Variants in KCNQ1 observed in about 807,000 individuals in gnomAD.
The protein encoded by KCNQ1 is potassium voltage-gated channel subfamily Q member 1, also known as potassium voltage-gated channel subfamily KQT member 1.
In KCNQ1, 49 loss-of-function variants were observed where a neutral mutation model predicts 72.4. That is an observed-to-expected ratio of 0.68 (90% CI 0.54 to 0.86). KCNQ1 has a LOEUF of 0.86. KCNQ1 is among the 40% of genes least tolerant of loss of function. The probability of loss-of-function intolerance (pLI) is 0.00; values close to 1 mark genes in which losing one functional copy is unlikely to be tolerated. For synonymous variants in KCNQ1, 450 were observed against 412.6 expected (o/e 1.09, Z -1.10); for missense variants, 790 against 945.1 (o/e 0.84, Z 2.15).
At chr11:2,840,613 T>C (rs1848188341) in intron 15 of KCNQ1, among the ~76,000 whole-genome samples, 1 of 152,184 alleles carries the variant, frequency 6.6e-6, no homozygotes, top group Non-Finnish European at 1.5e-5. Flanking sequence ...TGGATGGCTT[T>C]GACCACGTGA....
chr11:2,737,702 C>A lies in KCNQ1; in HGVS notation c.1515-31142C>A, dbSNP rs183896384. Among the ~76,000 whole-genome samples, 226 of 152,290 alleles carry A rather than the reference C, an allele frequency of 1.5e-3. 2 individuals are homozygous for A. Among genetic ancestry groups the A allele is most frequent in the Non-Finnish European group, 2.5e-3 (169 of 68,028 alleles). ...AGACCATAAAACACGGCTGGTGGGTCCGAGCCCGGCAGGGATATGGGGTCA... is the reference window on the plus strand; with the variant it reads ...AGACCATAAAACACGGCTGGTGGGTACGAGCCCGGCAGGGATATGGGGTCA... On this transcript the variant is annotated intron_variant, in intron 11 of 15. Coordinates refer to ENST00000155840, the MANE Select transcript of KCNQ1 (RefSeq NM_000218.3).
intron 11 of KCNQ1, among the ~76,000 whole-genome samples, chr11:2,705,639 C>T (rs1850896613): frequency 6.6e-6 from 1 of 152,194 alleles, no homozygotes. Context: ...CAGCTGCCCC[C>T]CAGCCAAGAA....
rs1384416796 is a variant in KCNQ1, at chr11:2,550,972, G to A, written c.478-19656G>A. On this transcript the variant is annotated intron_variant, in intron 2 of 15. Transcript: ENST00000155840. The surrounding 1 kb of genome is among the most constrained non-coding windows in gnomAD (Gnocchi z 6.0). The stretch of plus-strand genomic sequence containing the variant: ...AGACTCTGGTGGTAGCAGGAGGCAG[G>A]GGAGGCTGTGCTGAGCTCAGTGGGC... 2.6e-5 allele frequency among the ~76,000 whole-genome samples: 4 copies of A among 152,276 alleles called. No homozygotes were observed. The highest frequency in any genetic ancestry group is 9.6e-5 in the African/African-American group (4 of 41,544).
rs533469712 is a variant in KCNQ1 at position 2,653,109 on chromosome 11, G to A, written c.1394-8852G>A. ...GGGTGTGGAGAGAGGCTCACTGAAG[G>A]TTTGGGGAGATGAGGACTTGCATCA... is the stretch of plus-strand genomic sequence containing the variant. On this transcript the variant is annotated intron_variant, in intron 10 of 15. Coordinates refer to ENST00000155840, the MANE Select transcript of KCNQ1 (RefSeq NM_000218.3). The surrounding 1 kb of genome is among the most constrained non-coding windows in gnomAD (Gnocchi z 5.3). 6 of 398,732 alleles carry A rather than the reference G, an allele frequency of 1.5e-5. No homozygotes were observed. In the East Asian group the frequency reaches 1.8e-4, roughly 12 times the overall value. The allele number at this position is 398,732 out of a possible 1,614,324, so 24.7% of individuals were successfully genotyped here.
chr11:2,448,077 C>T (rs988028352), intron 1 of KCNQ1, among the ~76,000 whole-genome samples: 1 of 152,242 alleles, frequency 6.6e-6, no homozygotes, highest in African/African-American at 2.4e-5. Flanking sequence ...GGGGGCAGCT[C>T]CCATCTTAGC....
At position 2,762,791 on chromosome 11, in the gene KCNQ1, G is replaced by A. The variant is rs1846425695; in HGVS notation, c.1515-6053G>A. Among the ~76,000 whole-genome samples the A allele has an allele frequency of 6.6e-6, 1 of 152,184 alleles. No homozygotes were observed. The highest frequency in any genetic ancestry group is 2.4e-5 in the African/African-American group (1 of 41,440). On this transcript the variant is annotated intron_variant, in intron 11 of 15. Coordinates refer to ENST00000155840, the MANE Select transcript of KCNQ1 (RefSeq NM_000218.3). The surrounding 1 kb of genome is among the most constrained non-coding windows in gnomAD (Gnocchi z 4.3). ...GTCTGAACTGGAACAGTTTCATCCT[G>A]AAACCATCTCCCCCCACCCCACCCC... is the stretch of plus-strand genomic sequence containing the variant.
chr11:2,772,236 AC>A lies in KCNQ1; in HGVS notation c.1590+3321del, dbSNP rs1286879532. 6.7e-6 allele frequency among the ~76,000 whole-genome samples: 1 copy of A among 150,170 alleles called. No homozygotes were observed. The highest frequency in any genetic ancestry group is 6.6e-5 in the Admixed American group (1 of 15,104). Reference sequence around the variant, plus strand: ...CTGCCTGTCTGCTTGCTTGCACCCCACCCCACCCCCGCTGGCCTCAGGGGCT... The same window carrying A: ...CTGCCTGTCTGCTTGCTTGCACCCCACCCACCCCCGCTGGCCTCAGGGGCT... On this transcript the variant is annotated intron_variant, in intron 12 of 15. Coordinates refer to ENST00000155840, the MANE Select transcript of KCNQ1 (RefSeq NM_000218.3). The surrounding 1 kb of genome is among the most constrained non-coding windows in gnomAD (Gnocchi z 6.6).
At chr11:2,798,544 T>C (rs1847188973) in intron 15 of KCNQ1, among the ~76,000 whole-genome samples, 1 of 135,606 alleles carries the variant, frequency 7.4e-6, no homozygotes, top group South Asian at 2.4e-4. Context: ...TATGCCGAGT[T>C]CCCTGAAAAA....
chr11:2,843,561 C>T lies in KCNQ1; in HGVS notation c.1795-4206C>T, dbSNP rs116165534. ...AACAGGACCCCCACCCTGGGAGCAG[C>T]GGGTGTGCCCGGCCTCTCCCGCCTG... On this transcript the variant is annotated intron_variant, in intron 15 of 15. Coordinates refer to ENST00000155840, the MANE Select transcript of KCNQ1 (RefSeq NM_000218.3). Among the ~76,000 whole-genome samples the T allele has an allele frequency of 1.9e-3, 297 of 152,368 alleles. 2 individuals carry two copies. Among genetic ancestry groups the T allele is most frequent in the African/African-American group, 6.6e-3 (276 of 41,590 alleles).
rs1265901476 is a variant in KCNQ1 at position 2,510,212 on chromosome 11, A to G, written c.387-17716A>G. 2.0e-5 allele frequency among the ~76,000 whole-genome samples: 3 copies of G among 152,000 alleles called. No homozygotes were observed. In the East Asian group the frequency reaches 5.8e-4, roughly 29 times the overall value. ...GAGCATCACTTGAGCCCAGGAGTTC[A>G]AGGTTGCAGCAAGCTATGATCTTGC... is the stretch of plus-strand genomic sequence containing the variant. On this transcript the variant is annotated intron_variant, in intron 1 of 15. Transcript: ENST00000155840.
At chr11:2,561,693 G>A (rs923666639) in intron 2 of KCNQ1, among the ~76,000 whole-genome samples, 17 of 152,218 alleles carry the variant, frequency 1.1e-4, no homozygotes, top group African/African-American at 4.1e-4. Flanking sequence ...CCTTTCTCTT[G>A]CTAATGTGTG....
chr11:2,646,188 T>C (rs934046675), intron 10 of KCNQ1: 1 of 398,552 alleles, frequency 2.5e-6, no homozygotes, highest in East Asian at 3.6e-5. Context: ...GGTTACCTAC[T>C]TGCTATATTT....
rs149678954 is a variant in KCNQ1 at position 2,494,527 on chromosome 11, T to A, written c.387-33401T>A. Among the ~76,000 whole-genome samples the A allele has an allele frequency of 0.011, 1,728 of 152,312 alleles. 16 individuals are homozygous for A. The highest frequency in any genetic ancestry group is 0.017 in the Middle Eastern group (5 of 294). On this transcript the variant is annotated intron_variant, in intron 1 of 15. Transcript: ENST00000155840. This position sits in a 1 kb window ranked among gnomAD's most constrained non-coding sequence, Gnocchi z 4.6. Reference sequence around the variant, plus strand: ...TTATTTTGAGATATGTTCCATCAATTCCTAGTTTATTGAGAGTTTTTGGCA... The same window carrying A: ...TTATTTTGAGATATGTTCCATCAATACCTAGTTTATTGAGAGTTTTTGGCA...
chr11:2,802,992 T>C lies in KCNQ1; in HGVS notation c.1794+24955T>C, dbSNP rs1403947593. 3.3e-5 allele frequency among the ~76,000 whole-genome samples: 5 copies of C among 152,296 alleles called. 1 individual carries two copies. In the East Asian group the frequency reaches 9.7e-4, roughly 29 times the overall value. On this transcript the variant is annotated intron_variant, in intron 15 of 15. Coordinates refer to ENST00000155840, the MANE Select transcript of KCNQ1 (RefSeq NM_000218.3). ...CACAGGGCAACCCCTCAGCTCCACT[T>C]CGCCACCCAGAGGAGCTGGCCCTGG...
In KCNQ1 at chr11:2,720,591, C is replaced by T. The variant is rs1831943523; in HGVS notation, c.1515-48253C>T. Reference sequence around the variant, plus strand: ...GAACTCTGAGCTCCTGTGGGTCCTTCTCTGAGTGTCCTATGTTGGGGGTGT... The same window carrying T: ...GAACTCTGAGCTCCTGTGGGTCCTTTTCTGAGTGTCCTATGTTGGGGGTGT... On this transcript the variant is annotated intron_variant, in intron 11 of 15. Coordinates refer to ENST00000155840, the MANE Select transcript of KCNQ1 (RefSeq NM_000218.3). The surrounding 1 kb of genome is among the most constrained non-coding windows in gnomAD (Gnocchi z 5.1). 6.6e-6 allele frequency among the ~76,000 whole-genome samples: 1 copy of T among 152,182 alleles called. No individual in the cohort carries two copies. Among genetic ancestry groups the T allele is most frequent in the Non-Finnish European group, 1.5e-5 (1 of 68,012 alleles).
chr11:2,617,175 T>G lies in KCNQ1; in HGVS notation c.1393+28321T>G. 2.5e-6 allele frequency: 1 copy of G among 398,302 alleles called. No individual in the cohort carries two copies. Among genetic ancestry groups the G allele is most frequent in the Non-Finnish European group, 4.4e-6 (1 of 225,890 alleles). The allele number at this position is 398,302 out of a possible 1,614,324, so 24.7% of individuals were successfully genotyped here. A position where few individuals can be genotyped will look rare whatever the true frequency, so the allele number is the denominator to read the frequency against. On this transcript the variant is annotated intron_variant, in intron 10 of 15. Coordinates refer to ENST00000155840, the MANE Select transcript of KCNQ1 (RefSeq NM_000218.3). The surrounding 1 kb of genome is among the most constrained non-coding windows in gnomAD (Gnocchi z 4.6). Reference sequence around the variant, plus strand: ...GTTCTACATGAGATCTCTAGACTTGTTCATCCTATATATCTGCTACTTGGT... The same window carrying G: ...GTTCTACATGAGATCTCTAGACTTGGTCATCCTATATATCTGCTACTTGGT...
At chr11:2,487,115 A>G (rs1265358875) in intron 1 of KCNQ1, among the ~76,000 whole-genome samples, 2 of 152,154 alleles carry the variant, frequency 1.3e-5, no homozygotes, top group Non-Finnish European at 2.9e-5. Context: ...TCCCAGCACC[A>G]TTTGTTGAAA....
chr11:2,812,230 A>G (rs1332401106), intron 15 of KCNQ1, among the ~76,000 whole-genome samples: 1 of 152,144 alleles, frequency 6.6e-6, no homozygotes, highest in Admixed American at 6.5e-5. Flanking sequence ...AAATGTGTCA[A>G]CTCACATACA....
rs1460716022 is a variant in KCNQ1 at position 2,602,960 on chromosome 11, G to A, written c.1393+14106G>A. Reference sequence around the variant, plus strand: ...CCTTTTTATGGATTACACTTCTGATGTCAGGTCTAAGAAGTCTTTGGCCCT... The same window carrying A: ...CCTTTTTATGGATTACACTTCTGATATCAGGTCTAAGAAGTCTTTGGCCCT... On this transcript the variant is annotated intron_variant, in intron 10 of 15. Coordinates refer to ENST00000155840, the MANE Select transcript of KCNQ1 (RefSeq NM_000218.3). The surrounding 1 kb of genome is among the most constrained non-coding windows in gnomAD (Gnocchi z 4.8). 6.6e-6 allele frequency among the ~76,000 whole-genome samples: 1 copy of A among 152,146 alleles called. No homozygotes were observed. The highest frequency in any genetic ancestry group is 1.5e-5 in the Non-Finnish European group (1 of 68,018).
Sources: gnomAD v4.1 joint callset for allele counts (sites outside exome capture counted in the v4.1 genomes callset) on GRCh38, gnomAD v4.1.1 for gene constraint, Gnocchi (gnomAD v3.1) non-coding constraint, MANE v1.5 for transcripts, NCBI Gene and HGNC (gene_info 2026-07-23, HGNC 2026-07-21) for gene names.